CELSR1: variants seen among roughly 807,000 people sequenced by gnomAD.
CELSR1 encodes the protein adhesion G protein-coupled receptor C1.
CELSR1 carries 110 observed loss-of-function variants against 249.1 expected under a neutral mutation model. The ratio of observed to expected loss-of-function variants is 0.44; its 90% CI spans 0.38 to 0.52. The LOEUF (loss-of-function observed/expected upper bound fraction) is 0.52. CELSR1 is among the 20% of genes least tolerant of loss of function. CELSR1 has a pLI of 0.00. For missense variants in CELSR1, 4,109 were observed against 4,296.4 expected, an observed-to-expected ratio of 0.96 and a Z score of 1.22; for synonymous variants, 2,113 against 1,900.0, an observed-to-expected ratio of 1.11 and a Z score of -2.92.
In CELSR1 at chr22:46,445,872, C is replaced by T. The variant is rs1602147045; in HGVS notation, c.4184-6461G>A. Among the ~76,000 whole-genome samples the T allele has an allele frequency of 6.6e-6, 1 of 152,204 alleles. No individual in the cohort carries two copies. Among genetic ancestry groups the T allele is most frequent in the African/African-American group, 2.4e-5 (1 of 41,462 alleles). ...GGCCTTTGCCAGCTCATCCTCCCAC[C>T]CAGCCAGGGAGAGGTGGAGTCCTCA... On this transcript the variant is annotated intron_variant, in intron 2 of 34. Transcript: ENST00000674500. This position sits in a 1 kb window ranked among gnomAD's most constrained non-coding sequence, Gnocchi z 4.4.
intron 1 of CELSR1, among the ~76,000 whole-genome samples, chr22:46,498,687 C>G (rs1242562285): frequency 2.0e-5 from 3 of 151,746 alleles, no homozygotes; most frequent in Admixed American, 2.0e-4. Flanking sequence ...AGGGAGGTGA[C>G]AGACGCTTCC....
At position 46,409,228 on chromosome 22, in the gene CELSR1, G is replaced by T; in HGVS notation, c.5060-66C>A. The T allele has an allele frequency of 5.1e-6, 8 of 1,564,986 alleles. No individual in the cohort carries two copies. Among genetic ancestry groups the T allele is most frequent in the Non-Finnish European group, 7.0e-6 (8 of 1,147,870 alleles). On this transcript the variant is annotated intron_variant, in intron 8 of 34. Coordinates refer to ENST00000674500, the MANE Select transcript of CELSR1 (RefSeq NM_001378328.1). This position sits in a 1 kb window ranked among gnomAD's most constrained non-coding sequence, Gnocchi z 9.8. ...TCACACGGCCGCGGACTTGGCTGCA[G>T]GGGCGGGGGATGGGCCTGCAGGCTA...
intron 24 of CELSR1, among the ~76,000 whole-genome samples, chr22:46,376,794 C>T (rs1262238509): frequency 5.6e-5 from 8 of 142,950 alleles, no homozygotes; most frequent in Admixed American, 2.1e-4. Context: ...ATTGACAGAG[C>T]GAGACTCTCA....
rs937206589 is a variant in CELSR1, at chr22:46,396,453, C to G, written c.5843+152G>C. On this transcript the variant is annotated intron_variant, in intron 13 of 34. Coordinates refer to ENST00000674500, the MANE Select transcript of CELSR1 (RefSeq NM_001378328.1). The surrounding 1 kb of genome is among the most constrained non-coding windows in gnomAD (Gnocchi z 6.4). ...AAAATTAAAAAAAATTTGATTTTCACTTAATTCATGCCAAATTAAAAAAAA... is the reference window on the plus strand; with the variant it reads ...AAAATTAAAAAAAATTTGATTTTCAGTTAATTCATGCCAAATTAAAAAAAA... The G allele has an allele frequency of 8.0e-6, 6 of 745,850 alleles. No homozygotes were observed. Among genetic ancestry groups the G allele is most frequent in the African/African-American group, 1.8e-5 (1 of 54,328 alleles). The allele number at this position is 745,850 out of a possible 1,614,324, so 46.2% of individuals were successfully genotyped here.
Position 46,488,477 on chromosome 22 carries a change from A to G in CELSR1, c.3545-24132T>C, listed in dbSNP as rs2080337182. 6.6e-6 allele frequency among the ~76,000 whole-genome samples: 1 copy of G among 152,162 alleles called. No individual in the cohort carries two copies. On this transcript the variant is annotated intron_variant, in intron 1 of 34. Transcript: ENST00000674500. This position sits in a 1 kb window ranked among gnomAD's most constrained non-coding sequence, Gnocchi z 4.7. ...CGTGCGTGCCAGTGAGCTCAGTGGG[A>G]CGGTTCGGCAGGAACACGGCTTGAA...
rs182955699 is a variant in CELSR1, at chr22:46,508,984, C to G, written c.3544+24643G>C. Among the ~76,000 whole-genome samples, 798 of 152,306 alleles carry G rather than the reference C, an allele frequency of 5.2e-3. 4 individuals carry two copies. The highest frequency in any genetic ancestry group is 8.0e-3 in the Non-Finnish European group (547 of 68,032). On this transcript the variant is annotated intron_variant, in intron 1 of 34. Transcript: ENST00000674500. ...AGCCACGACCCTCACCTCTTTCCAACCAGTGGCCTCCATCTGGGCAGGACA... is the reference window on the plus strand; with the variant it reads ...AGCCACGACCCTCACCTCTTTCCAAGCAGTGGCCTCCATCTGGGCAGGACA...
In CELSR1 at chr22:46,412,995, C is replaced by A. The variant is rs1318479909; in HGVS notation, c.4612-1236G>T. Among the ~76,000 whole-genome samples, 1 of 152,178 alleles carries A rather than the reference C, an allele frequency of 6.6e-6. No individual in the cohort carries two copies. The highest frequency in any genetic ancestry group is 1.5e-5 in the Non-Finnish European group (1 of 68,032). ...CCCAGAGAGAACCTTTTCTTCCAGT[C>A]CCAGCAGGGTCCCTCCCACCACCCC... On this transcript the variant is annotated intron_variant, in intron 5 of 34. Coordinates refer to ENST00000674500, the MANE Select transcript of CELSR1 (RefSeq NM_001378328.1). The surrounding 1 kb of genome is among the most constrained non-coding windows in gnomAD (Gnocchi z 4.5).
rs143737256 is a variant in CELSR1 at position 46,369,203 on chromosome 22, T to C, written c.7928A>G (p.His2643Arg). 6.0e-5 allele frequency: 97 copies of C among 1,614,008 alleles called. No homozygotes were observed. The highest frequency in any genetic ancestry group is 8.0e-5 in the Non-Finnish European group (94 of 1,179,984). The change falls in exon 27 of 35, where the codon CAT becomes CGT. Residue 2643 changes from histidine to arginine, a missense_variant. By Grantham distance (29) the His-to-Arg change is conservative. Transcript: ENST00000674500. ...SAKVSCQRKH[H>R]YYGKKGIVSL... is the part of the protein sequence containing the mutation. ...CACGATCCCTTTTTTCCCATAATAA[T>C]GGTGCTTTCTTTGGCAGGAAACCTT...
intron 5 of CELSR1, among the ~76,000 whole-genome samples, chr22:46,432,138 C>T (rs1175550609): frequency 6.6e-6 from 1 of 152,170 alleles, no homozygotes; most frequent in Non-Finnish European, 1.5e-5. Flanking sequence ...CAGGTGACCA[C>T]TACTTGGAGT....
intron 2 of CELSR1, among the ~76,000 whole-genome samples, chr22:46,455,644 C>A (rs373320643): frequency 1.3e-5 from 2 of 152,142 alleles, no homozygotes; most frequent in African/African-American, 4.8e-5. Context: ...CAGTTTGTGC[C>A]GATCGGTTAC....
At chr22:46,489,758 G>A (rs974959160) in intron 1 of CELSR1, among the ~76,000 whole-genome samples, 7 of 151,966 alleles carry the variant, frequency 4.6e-5, no homozygotes, top group African/African-American at 1.5e-4. Flanking sequence ...AGCGGGGCGT[G>A]GTGGTGCACA....
intron 1 of CELSR1, among the ~76,000 whole-genome samples, chr22:46,474,986 A>C (rs2080193559): frequency 6.6e-6 from 1 of 152,104 alleles, no homozygotes; most frequent in Admixed American, 6.6e-5. Flanking sequence ...CAACAGGCAA[A>C]TGAGGAGCGT....
At position 46,409,808 on chromosome 22, in the gene CELSR1, T is replaced by A; in HGVS notation, c.5006A>T (p.Asn1669Ile). Reference sequence around the variant, plus strand: ...GAGTGGACACTCACACAGATACATATTCCACCTGTTGACACAGGTGCCTCC... The same window carrying A: ...GAGTGGACACTCACACAGATACATAATCCACCTGTTGACACAGGTGCCTCC... ...QNGGTCVNRW[N>I]MYLCECPLRF... The change falls in exon 8 of 35, where the codon AAT (asparagine) becomes ATT (isoleucine). Residue 1669 changes from asparagine to isoleucine, a missense_variant. By Grantham distance (149) the Asn-to-Ile change is moderately radical. Around this residue, in one of 7 missense-constraint regions of CELSR1, gnomAD observed 453 missense variants for 492.0 expected, o/e 0.92. Transcript: ENST00000674500. This position sits in a 1 kb window ranked among gnomAD's most constrained non-coding sequence, Gnocchi z 9.8. 6.2e-7 allele frequency: 1 copy of A among 1,613,860 alleles called. No individual in the cohort carries two copies. The highest frequency in any genetic ancestry group is 8.5e-7 in the Non-Finnish European group (1 of 1,179,948).
rs548008036 is a variant in CELSR1 at position 46,507,905 on chromosome 22, C to A, written c.3544+25722G>T. Among the ~76,000 whole-genome samples, 7 of 149,036 alleles carry A rather than the reference C, an allele frequency of 4.7e-5. No individual in the cohort carries two copies. In the South Asian group the frequency reaches 1.2e-3, roughly 27 times the overall value. ...GAAAGGACATGGCTACCTCCTCACA[C>A]CCCCCTACCTCCCACCTCAGCCGTC... On this transcript the variant is annotated intron_variant, in intron 1 of 34. Transcript: ENST00000674500.
Position 46,447,587 on chromosome 22 carries a change from C to G in CELSR1, c.4184-8176G>C, listed in dbSNP as rs1031649465. ...GCAGCCTGCCAAAAGCTCCCCCTCT[C>G]CCCGTAGGAGGGACGCAGGGCTCAG... On this transcript the variant is annotated intron_variant, in intron 2 of 34. Coordinates refer to ENST00000674500, the MANE Select transcript of CELSR1 (RefSeq NM_001378328.1). This position sits in a 1 kb window ranked among gnomAD's most constrained non-coding sequence, Gnocchi z 4.7. 6.6e-6 allele frequency among the ~76,000 whole-genome samples: 1 copy of G among 152,196 alleles called. No individual in the cohort carries two copies. The highest frequency in any genetic ancestry group is 1.5e-5 in the Non-Finnish European group (1 of 68,036).
rs746329830 is a variant in CELSR1, at chr22:46,428,664, G to A, written c.4611+4729C>T. Among the ~76,000 whole-genome samples, 17 of 152,222 alleles carry A rather than the reference G, an allele frequency of 1.1e-4. No individual in the cohort carries two copies. Among genetic ancestry groups the A allele is most frequent in the Middle Eastern group, 3.2e-3 (1 of 316 alleles). ...ACAGGCCTCACAATGAAGGGTCATC[G>A]TCCCCAAGGGGCGGCAGTGCCCAGG... On this transcript the variant is annotated intron_variant, in intron 5 of 34. Coordinates refer to ENST00000674500, the MANE Select transcript of CELSR1 (RefSeq NM_001378328.1). The surrounding 1 kb of genome is among the most constrained non-coding windows in gnomAD (Gnocchi z 5.7).
intron 14 of CELSR1, among the ~76,000 whole-genome samples, 198 bp from the exon 15 acceptor site, chr22:46,392,014 C>G (rs1274072440): frequency 2.0e-5 from 3 of 152,228 alleles, no homozygotes; most frequent in Non-Finnish European, 4.4e-5. Context: ...AAGGCCGGAC[C>G]CAGGAGAGCA....
chr22:46,405,361 G>A (rs2079253882), intron 9 of CELSR1, among the ~76,000 whole-genome samples: 1 of 151,124 alleles, frequency 6.6e-6, no homozygotes, highest in Non-Finnish European at 1.5e-5. Context: ...TCGGGAGGCT[G>A]AGGCAGGAGA....
intron 2 of CELSR1, 148 bp from the exon 3 acceptor site, chr22:46,439,559 T>C: frequency 3.0e-6 from 2 of 659,024 alleles, no homozygotes; most frequent in East Asian, 5.5e-5. Flanking sequence ...GTCTGTGACA[T>C]GAACAGAAAC....
Sources: gnomAD v4.1 joint callset for allele counts (sites outside exome capture counted in the v4.1 genomes callset) on GRCh38, gnomAD v4.1.1 for gene constraint, gnomAD v4.1.1 regional missense constraint, Gnocchi (gnomAD v3.1) non-coding constraint, MANE v1.5 for transcripts, NCBI Gene and HGNC (gene_info 2026-07-23, HGNC 2026-07-21) for gene names.